VPS8: variants seen among roughly 807,000 people sequenced by gnomAD.
VPS8 encodes the protein vacuolar protein sorting-associated protein 8 homolog.
VPS8 carries 129 observed loss-of-function variants against 216.4 expected under a neutral mutation model. That is an observed-to-expected ratio of 0.60 (90% CI 0.52 to 0.69). The LOEUF (loss-of-function observed/expected upper bound fraction) is 0.69. VPS8 is among the 30% of genes least tolerant of loss of function. VPS8 has a pLI of 0.00. For synonymous variants in VPS8, 571 were observed against 565.4 expected, an observed-to-expected ratio of 1.01 and a Z score of -0.14; for missense variants, 1,531 against 1,683.5, an observed-to-expected ratio of 0.91 and a Z score of 1.59.
At chr3:184,939,989 G>A (rs1742363603) in intron 35 of VPS8, among the ~76,000 whole-genome samples, 1 of 152,132 alleles carries the variant, frequency 6.6e-6, no homozygotes, top group Admixed American at 6.5e-5. Context: ...TTTACACTGA[G>A]AAGTGAATGT....
At chr3:184,997,549 G>A (rs1416365711) in intron 44 of VPS8, among the ~76,000 whole-genome samples, 1 of 152,210 alleles carries the variant, frequency 6.6e-6, no homozygotes, top group Non-Finnish European at 1.5e-5. Context: ...TTGAGCACCT[G>A]CTGTATGCAA....
intron 45 of VPS8, among the ~76,000 whole-genome samples, chr3:185,005,022 C>G (rs1001895650): frequency 2.0e-5 from 3 of 151,802 alleles, no homozygotes; most frequent in Non-Finnish European, 4.4e-5. Flanking sequence ...AGATTTAAGT[C>G]TTTGATGCAT....
chr3:184,943,883 C>T (rs554533898), intron 36 of VPS8, among the ~76,000 whole-genome samples: 34 of 152,316 alleles, frequency 2.2e-4, no homozygotes, highest in African/African-American at 7.7e-4. Context: ...GGGCGGACCA[C>T]CTGAGGTCAG....
rs73885645 is a variant in VPS8 at position 185,037,924 on chromosome 3, A to G, written c.4057-10555A>G. On this transcript the variant is annotated intron_variant, in intron 46 of 47. Transcript: ENST00000625842. ...TTCTGTGAGGATATTTACAGTGACTATTTTGAAATCTTTTTCTGTTAAATC... is the reference window on the plus strand; with the variant it reads ...TTCTGTGAGGATATTTACAGTGACTGTTTTGAAATCTTTTTCTGTTAAATC... Among the ~76,000 whole-genome samples the G allele has an allele frequency of 2.5e-3, 377 of 152,224 alleles. 2 individuals are homozygous for G. The highest frequency in any genetic ancestry group is 8.6e-3 in the African/African-American group (359 of 41,540).
At chr3:184,919,987 G>GTTT in intron 28 of VPS8, 140 bp from the exon 29 acceptor site, 1 of 576,402 alleles carries the variant, frequency 1.7e-6, no homozygotes, top group South Asian at 2.4e-5. Context: ...GTCACGCAAG[G>GTTT]TGTATAAGAC....
At chr3:185,040,345 C>T (rs556299010) in intron 46 of VPS8, among the ~76,000 whole-genome samples, 1 of 152,302 alleles carries the variant, frequency 6.6e-6, no homozygotes, top group South Asian at 2.1e-4. Flanking sequence ...GATATTCCAT[C>T]TTTGGAAGCT....
At position 184,849,985 on chromosome 3, in the gene VPS8, A is replaced by G. The variant is rs887206033; in HGVS notation, c.716A>G (p.Asp239Gly). 3.7e-6 allele frequency: 6 copies of G among 1,613,316 alleles called. No homozygotes were observed. The African/African-American group carries it at 5.3e-5, about 14-fold the overall frequency. ...GGAAAACTTCTAAGATCAATAACAG[A>G]TGCTCATCCTCCAGGAACAGCAATA... ...ASGKLLRSIT[D>G]AHPPGTAILH... is the part of the protein sequence containing the mutation. Residue 239 changes from aspartate (D) to glycine (G), a missense_variant, in exon 10 of 48, where the codon GAT becomes GGT. By Grantham distance (94) the Asp-to-Gly change is moderately conservative. Coordinates refer to ENST00000625842, the MANE Select transcript of VPS8 (RefSeq NM_001009921.3).
chr3:184,845,928 A>G (rs771862147), intron 8 of VPS8, among the ~76,000 whole-genome samples: 2 of 152,076 alleles, frequency 1.3e-5, no homozygotes, highest in African/African-American at 2.4e-5. Flanking sequence ...TGTGATGAGC[A>G]CTTAGTAATA....
chr3:185,051,843 A>G (rs1283702122), intron 47 of VPS8, 33 bp from the exon 48 acceptor site: 1 of 1,545,692 alleles, frequency 6.5e-7, no homozygotes, highest in Non-Finnish European at 8.7e-7. Flanking sequence ...TGCTCCCCAC[A>G]AACCTTAGCT....
chr3:184,914,977 C>G lies in VPS8; in HGVS notation c.2190-4C>G. ...CCATATCCATTCTCATTCTTTTCTT[C>G]TAGCTGTTGTCTAGCAGGTCGTGCC... On this transcript the variant is annotated splice_polypyrimidine_tract_variant and splice_region_variant and intron_variant, in intron 26 of 47. Coordinates refer to ENST00000625842, the MANE Select transcript of VPS8 (RefSeq NM_001009921.3). The G allele has an allele frequency of 6.2e-7, 1 of 1,613,790 alleles. No homozygotes were observed. The highest frequency in any genetic ancestry group is 8.5e-7 in the Non-Finnish European group (1 of 1,179,702).
chr3:185,031,858 A>G (rs1758218927), intron 46 of VPS8, among the ~76,000 whole-genome samples: 1 of 152,186 alleles, frequency 6.6e-6, no homozygotes, highest in Non-Finnish European at 1.5e-5. Flanking sequence ...TTATGAGTCT[A>G]TAATTGTATT....
At chr3:184,957,570 CT>C in intron 37 of VPS8, 49 bp downstream of exon 37, 1 of 1,530,434 alleles carries the variant, frequency 6.5e-7, no homozygotes, top group Non-Finnish European at 8.8e-7. Flanking sequence ...TCTTAACATT[CT>C]CCATTTGACA....
At chr3:184,892,003 A>G (rs899028027) in intron 22 of VPS8, among the ~76,000 whole-genome samples, 6 of 152,222 alleles carry the variant, frequency 3.9e-5, no homozygotes, top group African/African-American at 1.4e-4. Flanking sequence ...AAATACCTTT[A>G]ATGTGAGTAC....
At chr3:184,938,646 TTTC>T (rs1560772246) in intron 35 of VPS8, among the ~76,000 whole-genome samples, 2 of 141,542 alleles carry the variant, frequency 1.4e-5, no homozygotes, top group African/African-American at 3.1e-5. Context: ...CTTTTCTTTT[TTTC>T]TTTTTTTTTT....
At chr3:185,031,091 T>TTTTA (rs1758097347) in intron 46 of VPS8, among the ~76,000 whole-genome samples, 1 of 144,562 alleles carries the variant, frequency 6.9e-6, no homozygotes, top group African/African-American at 2.7e-5. Flanking sequence ...TTTTTTTTTT[T>TTTTA]AAGGGAAAAA....
chr3:184,832,903 A>G (rs933740184), intron 4 of VPS8, 84 bp downstream of exon 4: 22 of 1,484,792 alleles, frequency 1.5e-5, no homozygotes, highest in African/African-American at 4.3e-5. Context: ...TTAAAGTACA[A>G]TATGGTCTGT....
At chr3:184,903,864 A>C (rs917153855) in intron 25 of VPS8, among the ~76,000 whole-genome samples, 1 of 152,114 alleles carries the variant, frequency 6.6e-6, no homozygotes, top group East Asian at 1.9e-4. Context: ...AATATTACCA[A>C]ATCTTTCAGT....
chr3:184,920,092 A>G (rs1178763670), intron 28 of VPS8, 35 bp from the exon 29 acceptor site: 1 of 1,381,016 alleles, frequency 7.2e-7, no homozygotes, highest in Non-Finnish European at 9.8e-7. Flanking sequence ...TGTGCAAATA[A>G]TAATTACTTT....
At chr3:184,884,481 G>A (rs1730847534) in intron 21 of VPS8, among the ~76,000 whole-genome samples, 1 of 152,142 alleles carries the variant, frequency 6.6e-6, no homozygotes, top group East Asian at 1.9e-4. Flanking sequence ...CTCATACTAA[G>A]GAGATAGTAT....
Sources: gnomAD v4.1 joint callset for allele counts (sites outside exome capture counted in the v4.1 genomes callset) on GRCh38, gnomAD v4.1.1 for gene constraint, MANE v1.5 for transcripts, NCBI Gene and HGNC (gene_info 2026-07-23, HGNC 2026-07-21) for gene names.